The following AGBL4 variants were observed in gnomAD, a reference collection of about 807,000 sequenced individuals.
The protein encoded by AGBL4 is AGBL carboxypeptidase 4.
In AGBL4, 58 loss-of-function variants were observed where a neutral mutation model predicts 66.4. The ratio of observed to expected loss-of-function variants is 0.87; its 90% confidence interval spans 0.71 to 1.09. AGBL4 has a LOEUF of 1.09. Among genes scored for constraint, AGBL4 ranks in the 50% least tolerant of loss-of-function variants. The probability of loss-of-function intolerance (pLI) is 0.00; values close to 1 mark genes in which losing one functional copy is unlikely to be tolerated. For missense variants in AGBL4, 579 were observed against 631.0 expected (o/e 0.92, Z 0.88); for synonymous variants, 234 against 222.9 (o/e 1.05, Z -0.44).
chr1:48,584,983 T>C (rs1308507707), intron 11 of AGBL4: 1 of 152,228 alleles, frequency 6.6e-6, no homozygotes, highest in East Asian at 1.9e-4. Flanking sequence ...TCTCTTCCCT[T>C]TTCTGTCTCC....
chr1:48,933,612 TCTGTGTGACC>T (rs1655214677), intron 5 of AGBL4, among the ~76,000 whole-genome samples: 1 of 152,228 alleles, frequency 6.6e-6, no homozygotes, highest in African/African-American at 2.4e-5. Context: ...AATAGGCAGC[TCTGTGTGACC>T]CTAAGCAAGT....
rs566513092 is a variant in AGBL4 at position 48,886,170 on chromosome 1, TGAGA to T, written c.595-18944_595-18941del. 5.6e-4 allele frequency among the ~76,000 whole-genome samples: 85 copies of T among 152,296 alleles called. 1 individual carries two copies. The highest frequency in any genetic ancestry group is 5.0e-3 in the South Asian group (24 of 4,822). ...GTAGAATGTGGAACTGTGCATGTGC[TGAGA>T]CTCCAGAGAGTTTTAAGACAGCGAC... On this transcript the variant is annotated intron_variant, in intron 5 of 13. Transcript: ENST00000371839.
At chr1:48,656,308 G>A (rs1646019618) in intron 7 of AGBL4, among the ~76,000 whole-genome samples, 1 of 152,178 alleles carries the variant, frequency 6.6e-6, no homozygotes, top group Non-Finnish European at 1.5e-5. Flanking sequence ...TTTAGGGCTG[G>A]GCACATAGTA....
rs562085288 is a variant in AGBL4, at chr1:49,705,495, T to C, written c.158-8058A>G. 4.6e-5 allele frequency among the ~76,000 whole-genome samples: 7 copies of C among 152,254 alleles called. No individual in the cohort carries two copies. The East Asian group carries it at 7.7e-4, about 17-fold the overall frequency. On this transcript the variant is annotated intron_variant, in intron 2 of 13. Transcript: ENST00000371839. ...CATGTCATCTGCAAACAGAGACAAT[T>C]TGACTTCCTCTCTTCCTATTTGAAT...
intron 11 of AGBL4, among the ~76,000 whole-genome samples, chr1:48,572,644 C>T (rs1279578148): frequency 6.6e-6 from 1 of 151,996 alleles, no homozygotes; most frequent in African/African-American, 2.4e-5. Context: ...GATGACCTAT[C>T]AGGGAAGAGG....
chr1:49,253,378 A>C (rs946522951), intron 3 of AGBL4, among the ~76,000 whole-genome samples: 2 of 152,226 alleles, frequency 1.3e-5, no homozygotes, highest in African/African-American at 4.8e-5. Flanking sequence ...ATATGCACCC[A>C]ACACAGGGTG....
intron 6 of AGBL4, among the ~76,000 whole-genome samples, chr1:48,846,900 T>G (rs1646929993): frequency 6.6e-6 from 1 of 152,178 alleles, no homozygotes; most frequent in Non-Finnish European, 1.5e-5. Context: ...TACCCAACCT[T>G]AATGAGAGCA....
At chr1:48,550,223 A>G (rs1644228821) in intron 11 of AGBL4, among the ~76,000 whole-genome samples, 1 of 152,230 alleles carries the variant, frequency 6.6e-6, no homozygotes, top group South Asian at 2.1e-4. Flanking sequence ...GCTTAAAACA[A>G]CAGAAATGTA....
At chr1:49,111,563 T>C (rs1557649896) in intron 4 of AGBL4, among the ~76,000 whole-genome samples, 1 of 152,266 alleles carries the variant, frequency 6.6e-6, no homozygotes. Flanking sequence ...ACAGAGAGGC[T>C]TCTTTTGACC....
chr1:48,979,253 A>T, intron 5 of AGBL4, among the ~76,000 whole-genome samples: 1 of 152,178 alleles, frequency 6.6e-6, no homozygotes, highest in East Asian at 1.9e-4. Flanking sequence ...AATTTTTAAA[A>T]TCTTGTGACA....
rs900269183 is a variant in AGBL4 at position 49,589,175 on chromosome 1, TTTTA to T, written c.282+108134_282+108137del. 7.2e-5 allele frequency among the ~76,000 whole-genome samples: 11 copies of T among 152,280 alleles called. No homozygotes were observed. In the East Asian group the frequency reaches 7.7e-4, roughly 11 times the overall value. On this transcript the variant is annotated intron_variant, in intron 3 of 13. Transcript: ENST00000371839. Reference sequence around the variant, plus strand: ...GAGTTGAACTAGAAGGAGCACTCTTTTTTATTTAATATTGTTGAGTATAAATGGC... The same window carrying T: ...GAGTTGAACTAGAAGGAGCACTCTTTTTTAATATTGTTGAGTATAAATGGC...
chr1:49,948,092 G>GTA lies in AGBL4; in HGVS notation c.34+75669_34+75670dup, dbSNP rs1553151869. Among the ~76,000 whole-genome samples the GTA allele has an allele frequency of 1.5e-3, 117 of 78,588 alleles. 3 individuals carry two copies. The highest frequency in any genetic ancestry group is 9.5e-3 in the South Asian group (19 of 2,008). 51.6% of individuals were successfully genotyped at this position (78,588 alleles called of 152,430 possible). The stretch of plus-strand genomic sequence containing the variant: ...TATATGTAAATATATGTAAATATAT[G>GTA]TATATGTATATATATGTAAATGTAT... On this transcript the variant is annotated intron_variant, in intron 1 of 13. Transcript: ENST00000371839.
rs1260227044 is a variant in AGBL4, at chr1:48,805,186, G to A, written c.634+62005C>T. On this transcript the variant is annotated intron_variant, in intron 6 of 13. Coordinates refer to ENST00000371839, the MANE Select transcript of AGBL4 (RefSeq NM_032785.4). ...GGGAGAATATCCCCTATACAATGAC[G>A]ATACTATGTGAGAAGTGCTCTGGGG... Among the ~76,000 whole-genome samples the A allele has an allele frequency of 3.3e-5, 5 of 152,268 alleles. No individual in the cohort carries two copies. The South Asian group carries it at 1.0e-3, about 32-fold the overall frequency.
chr1:49,013,803 G>A (rs1662624466), intron 5 of AGBL4, among the ~76,000 whole-genome samples: 1 of 152,174 alleles, frequency 6.6e-6, no homozygotes, highest in African/African-American at 2.4e-5. Context: ...AGATAAGTCT[G>A]AGCCTTAGTT....
chr1:49,938,917 T>C (rs1654423553), intron 1 of AGBL4, among the ~76,000 whole-genome samples: 1 of 152,062 alleles, frequency 6.6e-6, no homozygotes, highest in Non-Finnish European at 1.5e-5. Flanking sequence ...AAATTGTCCC[T>C]CTTTGCAGAC....
chr1:49,126,793 CT>C (rs1187377302), intron 4 of AGBL4, among the ~76,000 whole-genome samples: 38 of 152,080 alleles, frequency 2.5e-4, no homozygotes, highest in Non-Finnish European at 1.0e-4. Context: ...TCTGTTTTCC[CT>C]GACTAGACAT....
At chr1:48,637,047 T>C (rs1166754055) in intron 8 of AGBL4, among the ~76,000 whole-genome samples, 1 of 152,214 alleles carries the variant, frequency 6.6e-6, no homozygotes, top group Non-Finnish European at 1.5e-5. Flanking sequence ...ATGTATAATC[T>C]AGCAGAAGGA....
chr1:49,284,350 C>G (rs1222005209), intron 3 of AGBL4, among the ~76,000 whole-genome samples: 1 of 151,858 alleles, frequency 6.6e-6, no homozygotes, highest in Non-Finnish European at 1.5e-5. Context: ...CCAGGCCTTC[C>G]CTAAAAGAGC....
intron 4 of AGBL4, among the ~76,000 whole-genome samples, chr1:49,085,898 G>A (rs1404428726): frequency 1.3e-5 from 2 of 152,114 alleles, no homozygotes; most frequent in South Asian, 4.1e-4. Context: ...CAAGGGGACC[G>A]CTACATGTTT....
Sources: gnomAD v4.1 joint callset for allele counts (sites outside exome capture counted in the v4.1 genomes callset) on GRCh38, gnomAD v4.1.1 for gene constraint, MANE v1.5 for transcripts, NCBI Gene and HGNC (gene_info 2026-07-23, HGNC 2026-07-21) for gene names.